Variants in SLC9B2 observed in about 807,000 individuals in gnomAD.
The protein encoded by SLC9B2 is sodium/hydrogen exchanger 9B2.
A neutral mutation model predicts 52.2 loss-of-function variants in SLC9B2; 39 were observed. The observed-to-expected ratio is 0.75, with a 90% CI of 0.58 to 0.98. The LOEUF (loss-of-function observed/expected upper bound fraction) is 0.98. Ranked by LOEUF, SLC9B2 falls within the 50% of genes least tolerant of loss-of-function variation. The pLI is 0.00. For missense variants in SLC9B2, 626 were observed against 637.5 expected (o/e 0.98, Z 0.19); for synonymous variants, 214 against 227.0 (o/e 0.94, Z 0.51).
chr4:103,020,622 C>T (rs1741718299), downstream of SLC9B2, among the ~76,000 whole-genome samples: 1 of 152,028 alleles, frequency 6.6e-6, no homozygotes, highest in Admixed American at 6.6e-5. Context: ...AACTTAAATA[C>T]GAAATTATCT....
chr4:103,064,938 A>G (rs1455909738), intron 3 of SLC9B2, among the ~76,000 whole-genome samples: 3 of 152,102 alleles, frequency 2.0e-5, no homozygotes, highest in Non-Finnish European at 2.9e-5. Context: ...GGTTAAAACT[A>G]GTTTTGCCAG....
At chr4:103,049,161 T>C (rs1744438509) in intron 5 of SLC9B2, 141 bp from the exon 6 acceptor site, 3 of 951,218 alleles carry the variant, frequency 3.2e-6, no homozygotes, top group Non-Finnish European at 4.5e-6. Context: ...TTAACAAACA[T>C]TTTAGCACTC....
At position 103,025,867 on chromosome 4, in the gene SLC9B2, G is replaced by C. The variant is rs76842810; in HGVS notation, c.*503C>G. 6.6e-6 allele frequency: 1 copy of C among 152,416 alleles called. No homozygotes were observed. Among genetic ancestry groups the C allele is most frequent in the East Asian group, 1.9e-4 (1 of 5,192 alleles). 9.4% of individuals were successfully genotyped at this position (152,416 alleles called of 1,614,324 possible). Reference sequence around the variant, plus strand: ...ACAGTAATTCAAAGAAAGGTAGTAAGGGAAGGAGAAATGGAGAAGAGGCAG... The same window carrying C: ...ACAGTAATTCAAAGAAAGGTAGTAACGGAAGGAGAAATGGAGAAGAGGCAG... On this transcript the variant is annotated 3_prime_UTR_variant, in exon 12 of 12. Transcript: ENST00000394785.
rs146049580 is a variant in SLC9B2, at chr4:103,057,848, A to C, written c.395T>G (p.Leu132Trp). The C allele has an allele frequency of 1.9e-4, 311 of 1,613,872 alleles. No individual in the cohort carries two copies. In the African/African-American group the frequency reaches 3.8e-3, roughly 20 times the overall value. Reference sequence around the variant, plus strand: ...CAATGTAGGTAACTTAATAAGCCCCAAAAGTTTACCACCAATGATGGCACA... The same window carrying C: ...CAATGTAGGTAACTTAATAAGCCCCCAAAGTTTACCACCAATGATGGCACA... ...FYCAIIGGKLLGLIKLPTLPP... is the reference protein window; with the variant it reads ...FYCAIIGGKLWGLIKLPTLPP... Residue 132 changes from leucine to tryptophan, a missense_variant, in exon 4 of 12, where the codon TTG becomes TGG. Coordinates refer to ENST00000394785, the MANE Select transcript of SLC9B2 (RefSeq NM_178833.7).
At chr4:103,050,574 T>C (rs926060550) in intron 4 of SLC9B2, among the ~76,000 whole-genome samples, 192 bp from the exon 5 acceptor site, 7 of 152,196 alleles carry the variant, frequency 4.6e-5, no homozygotes, top group Non-Finnish European at 1.0e-4. Context: ...GATAAAAAGA[T>C]AGATTATAAT....
At chr4:103,051,197 T>C (rs1305286396) in intron 4 of SLC9B2, among the ~76,000 whole-genome samples, 1 of 152,166 alleles carries the variant, frequency 6.6e-6, no homozygotes, top group Non-Finnish European at 1.5e-5. Flanking sequence ...TTCTGAAAAC[T>C]GCAAGTAGTT....
chr4:103,050,292 C>T lies in SLC9B2; in HGVS notation c.533G>A (p.Ser178Asn), dbSNP rs145720714. ...AACCAGAATGATAGACAGGGCTATGCTTCTCAAAGAGGAAGACCACTTGTG... is the reference window on the plus strand; with the variant it reads ...AACCAGAATGATAGACAGGGCTATGTTTCTCAAAGAGGAAGACCACTTGTG... ...IKHKWSSSLR[S>N]IALSIILVRA... The change falls in exon 5 of 12, where the codon AGC (serine) becomes AAC (asparagine). Residue 178 changes from serine (S) to asparagine (N), a missense_variant. Transcript: ENST00000394785. 1,315 of 1,609,796 alleles carry T rather than the reference C, an allele frequency of 8.2e-4. 7 individuals carry two copies. Among genetic ancestry groups the T allele is most frequent in the South Asian group, 2.1e-3 (186 of 90,406 alleles).
chr4:103,072,054 A>ATTTTTTTTT (rs1375668319), intron 1 of SLC9B2, among the ~76,000 whole-genome samples: 16 of 62,452 alleles, frequency 2.6e-4, no homozygotes, highest in African/African-American at 1.1e-3. Flanking sequence ...TTTGGCTTTC[A>ATTTTTTTTT]TGTTTTTTTT....
At chr4:103,027,607 G>A (rs544493447) in intron 11 of SLC9B2, among the ~76,000 whole-genome samples, 1 of 152,236 alleles carries the variant, frequency 6.6e-6, no homozygotes, top group Non-Finnish European at 1.5e-5. Context: ...AGAGAACAAT[G>A]TAAGCCTCTA....
intron 3 of SLC9B2, among the ~76,000 whole-genome samples, chr4:103,060,309 C>T (rs1415168095): frequency 2.6e-5 from 4 of 151,092 alleles, no homozygotes; most frequent in Non-Finnish European, 5.9e-5. Context: ...TAATCTGCTG[C>T]CTAATTTGTC....
At chr4:103,073,637 G>A (rs1172012687) in intron 1 of SLC9B2, among the ~76,000 whole-genome samples, 1 of 152,174 alleles carries the variant, frequency 6.6e-6, no homozygotes, top group East Asian at 1.9e-4. Context: ...TTGGTTAATT[G>A]ATTTAGTAAT....
chr4:103,034,764 T>G (rs1212517880), intron 9 of SLC9B2, among the ~76,000 whole-genome samples: 2 of 152,116 alleles, frequency 1.3e-5, no homozygotes, highest in Admixed American at 1.3e-4. Context: ...CCATCTCACA[T>G]CAGTCAGGAT....
At chr4:103,060,527 T>C (rs1191139490) in intron 3 of SLC9B2, among the ~76,000 whole-genome samples, 3 of 145,786 alleles carry the variant, frequency 2.1e-5, no homozygotes, top group East Asian at 4.0e-4. Context: ...TCCTTTTGCA[T>C]GTTTTTTTTG....
At chr4:103,074,922 G>GATTC (rs919310783) in intron 1 of SLC9B2, among the ~76,000 whole-genome samples, 5 of 152,070 alleles carry the variant, frequency 3.3e-5, no homozygotes, top group East Asian at 1.9e-4. Context: ...CCTCTCTGAT[G>GATTC]ATTCATTCAT....
At chr4:103,040,853 G>A (rs1413396280) in intron 9 of SLC9B2, among the ~76,000 whole-genome samples, 2 of 152,180 alleles carry the variant, frequency 1.3e-5, no homozygotes, top group Non-Finnish European at 2.9e-5. Context: ...GGCAGCATCA[G>A]CCTCATCTGG....
At chr4:103,070,925 G>A (rs1417543855) in intron 1 of SLC9B2, among the ~76,000 whole-genome samples, 7 of 151,952 alleles carry the variant, frequency 4.6e-5, no homozygotes, top group Non-Finnish European at 8.8e-5. Context: ...TTATAGTGGG[G>A]GCGACAGAGC....
chr4:103,040,182 A>T (rs1743514993), intron 9 of SLC9B2, among the ~76,000 whole-genome samples: 2 of 152,338 alleles, frequency 1.3e-5, no homozygotes, highest in South Asian at 4.1e-4. Context: ...AAAATATAAA[A>T]TATCTAAGTG....
intron 2 of SLC9B2, among the ~76,000 whole-genome samples, chr4:103,066,888 A>G (rs1037091911): frequency 3.9e-5 from 6 of 152,042 alleles, no homozygotes; most frequent in Non-Finnish European, 8.8e-5. Context: ...TATTATATAA[A>G]ATTACCTTCG....
intron 3 of SLC9B2, among the ~76,000 whole-genome samples, chr4:103,060,490 T>C (rs1027692013): frequency 2.6e-5 from 4 of 151,660 alleles, no homozygotes; most frequent in African/African-American, 7.2e-5. Context: ...TCTGATAATG[T>C]ACATTTTTGA....
Sources: allele counts gnomAD v4.1 joint callset (sites outside exome capture counted in the v4.1 genomes callset), GRCh38; gene constraint gnomAD v4.1.1; transcripts MANE v1.5; gene names NCBI Gene and HGNC (gene_info 2026-07-23, HGNC 2026-07-21).